Variants in STXBP5L observed in about 807,000 individuals in gnomAD.
STXBP5L encodes syntaxin binding protein 5L, also known as syntaxin-binding protein 5-like.
STXBP5L carries 65 observed loss-of-function variants against 144.5 expected under a neutral mutation model. The observed-to-expected ratio is 0.45, with a 90% confidence interval of 0.37 to 0.55. The LOEUF is 0.55. STXBP5L is among the 20% of genes least tolerant of loss of function. STXBP5L has a pLI of 0.00. For synonymous variants in STXBP5L, 505 were observed against 469.6 expected (o/e 1.08, Z -0.97); for missense variants, 1,298 against 1,405.5 (o/e 0.92, Z 1.22).
At chr3:121,346,942 A>G (rs2108599087) in intron 20 of STXBP5L, among the ~76,000 whole-genome samples, 1 of 152,312 alleles carries the variant, frequency 6.6e-6, no homozygotes, top group East Asian at 1.9e-4. Flanking sequence ...GCTGTGCAGA[A>G]GGTCTTTAGT....
intron 3 of STXBP5L, among the ~76,000 whole-genome samples, chr3:120,958,175 C>A (rs1343111785): frequency 6.6e-6 from 1 of 152,116 alleles, no homozygotes; most frequent in Non-Finnish European, 1.5e-5. Context: ...GGATAAATTC[C>A]TGGACACATA....
chr3:121,362,589 A>G (rs2045743709), intron 20 of STXBP5L, among the ~76,000 whole-genome samples: 1 of 152,116 alleles, frequency 6.6e-6, no homozygotes, highest in Non-Finnish European at 1.5e-5. Flanking sequence ...AAGTCAGCTT[A>G]TTGTGAATGC....
intron 5 of STXBP5L, among the ~76,000 whole-genome samples, chr3:121,100,549 A>G (rs1303733114): frequency 6.6e-6 from 1 of 152,182 alleles, no homozygotes; most frequent in Admixed American, 6.6e-5. Context: ...GACATAAATG[A>G]AAACAGAGAC....
chr3:120,955,183 A>G, intron 3 of STXBP5L, 146 bp downstream of exon 3: 1 of 604,838 alleles, frequency 1.7e-6, no homozygotes, highest in Non-Finnish European at 2.8e-6. Context: ...TGCACTTTCA[A>G]ATTTATTGGC....
intron 3 of STXBP5L, among the ~76,000 whole-genome samples, chr3:121,007,992 C>G (rs1434747475): frequency 6.6e-6 from 1 of 151,904 alleles, no homozygotes; most frequent in African/African-American, 2.4e-5. Flanking sequence ...ATGGTTAATT[C>G]TAAGGTTGTA....
At chr3:121,418,261 AC>A (rs1232417356) in intron 25 of STXBP5L, 75 bp from the exon 26 acceptor site, 1 of 1,451,574 alleles carries the variant, frequency 6.9e-7, no homozygotes, top group Non-Finnish European at 9.3e-7. Flanking sequence ...TAATACTAGT[AC>A]TTTGTCTTGG....
intron 5 of STXBP5L, among the ~76,000 whole-genome samples, chr3:121,094,420 G>T (rs1322959039): frequency 6.6e-6 from 1 of 151,980 alleles, no homozygotes; most frequent in Non-Finnish European, 1.5e-5. Flanking sequence ...TCTCTTTATA[G>T]GTCACTCAGG....
chr3:120,995,924 A>G (rs1023114036), intron 3 of STXBP5L, among the ~76,000 whole-genome samples: 2 of 151,898 alleles, frequency 1.3e-5, no homozygotes, highest in African/African-American at 4.8e-5. Context: ...TCCTTTAGCC[A>G]TTTTCAAGGG....
At chr3:121,045,397 G>C in intron 4 of STXBP5L, 38 bp from the exon 5 acceptor site, 6 of 1,552,198 alleles carry the variant, frequency 3.9e-6, no homozygotes, top group Non-Finnish European at 5.2e-6. Context: ...CCTAAATTAA[G>C]TAAATCACAC....
At chr3:121,404,291 C>A (rs1394599250) in intron 22 of STXBP5L, among the ~76,000 whole-genome samples, 1 of 152,092 alleles carries the variant, frequency 6.6e-6, no homozygotes, top group Non-Finnish European at 1.5e-5. Flanking sequence ...GCTGGCACAA[C>A]CTTTACAATA....
At chr3:121,101,725 C>T (rs760939456) in intron 5 of STXBP5L, among the ~76,000 whole-genome samples, 9 of 151,980 alleles carry the variant, frequency 5.9e-5, no homozygotes, top group Non-Finnish European at 1.0e-4. Flanking sequence ...ACTGGAAGTC[C>T]TACCCAGAGC....
rs1287739308 is a variant in STXBP5L, at chr3:121,419,854, A to T, written c.*757A>T. On this transcript the variant is annotated 3_prime_UTR_variant, in exon 27 of 27. Transcript: ENST00000471454. Reference sequence around the variant, plus strand: ...TGGGTTGCTGTTTTTAGCACAAACCATGCAGGGTTGGGTCACCTCAAAGCA... The same window carrying T: ...TGGGTTGCTGTTTTTAGCACAAACCTTGCAGGGTTGGGTCACCTCAAAGCA... The T allele has an allele frequency of 1.3e-5, 2 of 152,252 alleles. No homozygotes were observed. Among genetic ancestry groups the T allele is most frequent in the African/African-American group, 4.8e-5 (2 of 41,466 alleles). 9.4% of individuals were successfully genotyped at this position (152,252 alleles called of 1,614,324 possible).
In STXBP5L at chr3:120,953,325, C is replaced by CTTT. The variant is rs397875191; in HGVS notation, c.190-1596_190-1594dup. On this transcript the variant is annotated intron_variant, in intron 2 of 26. Coordinates refer to ENST00000471454, the MANE Select transcript of STXBP5L (RefSeq NM_001308330.2). ...TAGCCTTGAAAGATCTCACAATTGA[C>CTTT]TTTTTTTTTTTTTTTTTTTTTGAGA... Among the ~76,000 whole-genome samples, 466 of 105,688 alleles carry CTTT rather than the reference C, an allele frequency of 4.4e-3. 9 individuals are homozygous for CTTT. Among genetic ancestry groups the CTTT allele is most frequent in the South Asian group, 0.026 (80 of 3,082 alleles). The allele number at this position is 105,688 out of a possible 152,430, so 69.3% of individuals were successfully genotyped here.
In STXBP5L at chr3:121,119,019, G is replaced by A. The variant is rs144741143; in HGVS notation, c.606-2622G>A. 2.0e-5 allele frequency among the ~76,000 whole-genome samples: 3 copies of A among 151,598 alleles called. No homozygotes were observed. The East Asian group carries it at 5.8e-4, about 29-fold the overall frequency. On this transcript the variant is annotated intron_variant, in intron 6 of 26. Transcript: ENST00000471454. ...AGAATTTACTGGGTTGTTAAAACCA[G>A]ATGAACAGATGAAATTGTGCATAAA...
chr3:121,090,931 C>G (rs2042753027), intron 5 of STXBP5L, among the ~76,000 whole-genome samples: 1 of 116,290 alleles, frequency 8.6e-6, no homozygotes, highest in South Asian at 3.6e-4. Flanking sequence ...CTCCCCCCTC[C>G]CCCCACCCCA....
rs1403834439 is a variant in STXBP5L, at chr3:121,274,607, A to G, written c.1959-5198A>G. On this transcript the variant is annotated intron_variant, in intron 18 of 26. Coordinates refer to ENST00000471454, the MANE Select transcript of STXBP5L (RefSeq NM_001308330.2). ...ATGCTGGTTCTGGGTGCAGGTGCCC[A>G]GAGCAGCCATGAAGCCAGGGCTCTG... Among the ~76,000 whole-genome samples the G allele has an allele frequency of 2.0e-5, 3 of 152,362 alleles. No individual in the cohort carries two copies. In the East Asian group the frequency reaches 5.8e-4, roughly 29 times the overall value.
intron 2 of STXBP5L, among the ~76,000 whole-genome samples, chr3:120,937,446 T>A (rs1482979560): frequency 1.3e-5 from 2 of 152,170 alleles, no homozygotes; most frequent in Middle Eastern, 6.3e-3. Flanking sequence ...AATTTGTCAG[T>A]TAAATTTTAG....
intron 14 of STXBP5L, 25 bp downstream of exon 14, chr3:121,240,532 A>T: frequency 6.2e-7 from 1 of 1,605,050 alleles, no homozygotes; most frequent in South Asian, 1.1e-5. Flanking sequence ...TTTGTGAGTT[A>T]TTAGTTCATC....
intron 5 of STXBP5L, among the ~76,000 whole-genome samples, chr3:121,055,570 G>A (rs775296206): frequency 2.6e-5 from 4 of 152,004 alleles, no homozygotes; most frequent in Non-Finnish European, 5.9e-5. Context: ...GAGTGCAATG[G>A]TGTGATCCTA....
Sources: gnomAD v4.1 joint callset for allele counts (sites outside exome capture counted in the v4.1 genomes callset) on GRCh38, gnomAD v4.1.1 for gene constraint, MANE v1.5 for transcripts, NCBI Gene and HGNC (gene_info 2026-07-23, HGNC 2026-07-21) for gene names.